The following HTRA4 variants were observed in gnomAD, a reference collection of about 807,000 sequenced individuals.
HTRA4 encodes HtrA serine peptidase 4.
Under a neutral mutation model 49.1 loss-of-function variants are expected in HTRA4, and 46 were observed. That is an observed-to-expected ratio of 0.94 (90% CI 0.74 to 1.20). The LOEUF (loss-of-function observed/expected upper bound fraction) is 1.20. Among genes scored for constraint, HTRA4 ranks in the 50% most tolerant of loss-of-function variants. The pLI is 0.00. For synonymous variants in HTRA4, 261 were observed against 264.0 expected (o/e 0.99, Z 0.11); for missense variants, 602 against 636.9 (o/e 0.95, Z 0.59).
At position 38,983,136 on chromosome 8, in the gene HTRA4, T is replaced by C. The variant is rs928097502; in HGVS notation, c.1268+88T>C. The C allele has an allele frequency of 1.3e-5, 10 of 799,266 alleles. No homozygotes were observed. In the African/African-American group the frequency reaches 1.7e-4, roughly 14 times the overall value. The allele number at this position is 799,266 out of a possible 1,614,324, so 49.5% of individuals were successfully genotyped here. On this transcript the variant is annotated intron_variant, in intron 8 of 8. Coordinates refer to ENST00000302495, the MANE Select transcript of HTRA4 (RefSeq NM_153692.4). ...ATGCATGGGGGATCCAGACTTGATC[T>C]GTCCAATACAGTGGCCACTACTTAC...
At chr8:38,986,116 G>A (rs1230659948) in intron 8 of HTRA4, among the ~76,000 whole-genome samples, 1 of 152,154 alleles carries the variant, frequency 6.6e-6, no homozygotes, top group East Asian at 1.9e-4. Flanking sequence ...AGCCATGACT[G>A]CACCACTGTA....
intron 8 of HTRA4, among the ~76,000 whole-genome samples, chr8:38,987,486 GTGGGA>G (rs1158929870): frequency 1.3e-5 from 2 of 149,990 alleles, no homozygotes; most frequent in Non-Finnish European, 3.0e-5. Flanking sequence ...GTGGGGTGGG[GTGGGA>G]AAGACAGGCA....
chr8:38,979,581 G>A (rs1784206279), intron 5 of HTRA4, among the ~76,000 whole-genome samples: 1 of 152,198 alleles, frequency 6.6e-6, no homozygotes, highest in African/African-American at 2.4e-5. Flanking sequence ...TCATCCCACT[G>A]AGAACACTAG....
At chr8:38,986,003 CAAAT>C (rs1225340241) in intron 8 of HTRA4, among the ~76,000 whole-genome samples, 1 of 152,078 alleles carries the variant, frequency 6.6e-6, no homozygotes, top group Non-Finnish European at 1.5e-5. Context: ...TTTCTAAAGA[CAAAT>C]AAATAAAATA....
rs2129426831 is a variant in HTRA4, at chr8:38,975,103, CGGT to C, written c.543_545del (p.Val182del). On this transcript the variant is annotated inframe_deletion, in exon 2 of 9. Transcript: ENST00000302495. ...GCGGTGGTGGAGAAGGTGGCGCCATCGGTGGTTCACGTGCAGCTGTGGGGCAGG... is the reference window on the plus strand; with the variant it reads ...GCGGTGGTGGAGAAGGTGGCGCCATCGGTTCACGTGCAGCTGTGGGGCAGG... 1.2e-6 allele frequency: 2 copies of C among 1,613,808 alleles called. No individual in the cohort carries two copies. Among genetic ancestry groups the C allele is most frequent in the East Asian group, 4.5e-5 (2 of 44,878 alleles).
At position 38,988,135 on chromosome 8, in the gene HTRA4, A is replaced by AAAC. The variant is rs1564184478; in HGVS notation, c.*39_*40insCAA. ...TAAAGTGGGATTATCTAAAAAAAAA[A>AAAC]AAACCAGTTATATCACGTGGTTTGT... On this transcript the variant is annotated 3_prime_UTR_variant, in exon 9 of 9. Coordinates refer to ENST00000302495, the MANE Select transcript of HTRA4 (RefSeq NM_153692.4). 6.6e-7 allele frequency: 1 copy of AAAC among 1,505,850 alleles called. No homozygotes were observed. The highest frequency in any genetic ancestry group is 2.4e-5 in the East Asian group (1 of 41,508). The allele number at this position is 1,505,850 out of a possible 1,614,324, so 93.3% of individuals were successfully genotyped here.
chr8:38,988,173 C>A lies in HTRA4; in HGVS notation c.*75C>A. On this transcript the variant is annotated 3_prime_UTR_variant, in exon 9 of 9. Coordinates refer to ENST00000302495, the MANE Select transcript of HTRA4 (RefSeq NM_153692.4). Reference sequence around the variant, plus strand: ...TCACGTGGTTTGTATTGGAGATGTGCCAAACATGGCAAGAAGTTTTTGGAT... The same window carrying A: ...TCACGTGGTTTGTATTGGAGATGTGACAAACATGGCAAGAAGTTTTTGGAT... 2.3e-6 allele frequency: 3 copies of A among 1,303,376 alleles called. No homozygotes were observed. Among genetic ancestry groups the A allele is most frequent in the Middle Eastern group, 2.6e-4 (1 of 3,790 alleles). The allele number at this position is 1,303,376 out of a possible 1,614,324, so 80.7% of individuals were successfully genotyped here.
chr8:38,981,062 A>AG (rs1564178866), intron 5 of HTRA4, among the ~76,000 whole-genome samples: 2 of 74,110 alleles, frequency 2.7e-5, no homozygotes, highest in African/African-American at 9.2e-5. Flanking sequence ...AATGAGCTTA[A>AG]GTTTTTTTTT....
intron 2 of HTRA4, among the ~76,000 whole-genome samples, chr8:38,975,910 T>C (rs1481919416): frequency 6.6e-6 from 1 of 152,126 alleles, no homozygotes; most frequent in Non-Finnish European, 1.5e-5. Context: ...TTGCCTCTAG[T>C]ATTAGGATTG....
Position 38,978,084 on chromosome 8 carries a change from G to A in HTRA4, c.903G>A (p.Gly301=), listed in dbSNP as rs939209602. The A allele has an allele frequency of 3.7e-6, 6 of 1,613,988 alleles. No homozygotes were observed. In the African/African-American group the frequency reaches 5.3e-5, roughly 14 times the overall value. The change falls in exon 4 of 9, where the codon GGG becomes GGA. Residue 301 remains glycine (G), a synonymous_variant. Coordinates refer to ENST00000302495, the MANE Select transcript of HTRA4 (RefSeq NM_153692.4). ...GAATTGTCAGCACCAAACAGCGAGG[G>A]GGCAAAGAACTGGGGATGAAGGATT... ...TAGIVSTKQR[G]GKELGMKDSD...
At chr8:38,980,295 G>T (rs1835402491) in intron 5 of HTRA4, among the ~76,000 whole-genome samples, 1 of 150,918 alleles carries the variant, frequency 6.6e-6, no homozygotes, top group Admixed American at 6.6e-5. Flanking sequence ...TTTACTCATA[G>T]CATTGCATGT....
Position 38,987,941 on chromosome 8 carries a change from G to T in HTRA4, c.1274G>T (p.Gly425Val). The T allele has an allele frequency of 6.3e-7, 1 of 1,588,016 alleles. No homozygotes were observed. Among genetic ancestry groups the T allele is most frequent in the Non-Finnish European group, 8.5e-7 (1 of 1,171,878 alleles). Residue 425 changes from glycine to valine, a missense_variant, in exon 9 of 9, where the codon GGA becomes GTA. Gly to Val is a moderately radical substitution (Grantham distance 109, BLOSUM62 -3). Transcript: ENST00000302495. ...TTTTTTTCTCCCTCTCTCAGCTCTGGATTGAGAGATCACGATGTAATTGTC... is the reference window on the plus strand; with the variant it reads ...TTTTTTTCTCCCTCTCTCAGCTCTGTATTGAGAGATCACGATGTAATTGTC... ...VVEGTAAQSS[G>V]LRDHDVIVNI...
intron 5 of HTRA4, among the ~76,000 whole-genome samples, chr8:38,981,063 G>GT (rs71216700): frequency 0.022 from 1,041 of 48,144 alleles, 146 homozygotes; most frequent in South Asian, 0.028. Context: ...ATGAGCTTAA[G>GT]TTTTTTTTTT....
Position 38,974,636 on chromosome 8 carries a change from AG to A in HTRA4, c.374del (p.Ser125ThrfsTer82). The A allele has an allele frequency of 7.1e-7, 1 of 1,415,164 alleles. No homozygotes were observed. The highest frequency in any genetic ancestry group is 9.1e-7 in the Non-Finnish European group (1 of 1,093,414). The allele number at this position is 1,415,164 out of a possible 1,614,324, so 87.7% of individuals were successfully genotyped here. ...CGGCAGCGACAGGCGCACCTACCCC[AG>A]CATGTGCGCGCTCCGGGCCGAAAAC... ...VCGSDRRTYPSMCALRAENRA... is the reference protein window; with the variant it reads ...VCGSDRRTYPXMCALRAENRA... On this transcript the variant is annotated frameshift_variant, in exon 1 of 9. Transcript: ENST00000302495. LOFTEE classifies it high-confidence loss of function.
rs771629240 is a variant in HTRA4, at chr8:38,984,914, TCAAA to T, written c.1268+1878_1268+1881del. On this transcript the variant is annotated intron_variant, in intron 8 of 8. Coordinates refer to ENST00000302495, the MANE Select transcript of HTRA4 (RefSeq NM_153692.4). Reference sequence around the variant, plus strand: ...CTGTGCAACAGAGTGAGACCCTGTCTCAAACAAACAAACAAGCAAAAAAAAACTA... The same window carrying T: ...CTGTGCAACAGAGTGAGACCCTGTCTCAAACAAACAAGCAAAAAAAAACTA... Among the ~76,000 whole-genome samples, 34 of 151,988 alleles carry T rather than the reference TCAAA, an allele frequency of 2.2e-4. No homozygotes were observed. In the East Asian group the frequency reaches 2.9e-3, roughly 13 times the overall value.
intron 8 of HTRA4, among the ~76,000 whole-genome samples, chr8:38,984,567 T>A (rs1835461811): frequency 1.3e-5 from 2 of 151,756 alleles, no homozygotes; most frequent in African/African-American, 4.8e-5. Context: ...GCAAACTTGG[T>A]GAAACACCAT....
chr8:38,974,383 C>T lies in HTRA4; in HGVS notation c.120C>T (p.Cys40=), dbSNP rs760428137. The T allele has an allele frequency of 4.4e-6, 7 of 1,579,566 alleles. No homozygotes were observed. Among genetic ancestry groups the T allele is most frequent in the South Asian group, 1.1e-5 (1 of 87,394 alleles). Residue 40 remains cysteine (C), a synonymous_variant, in exon 1 of 9, where the codon TGC becomes TGT. Coordinates refer to ENST00000302495, the MANE Select transcript of HTRA4 (RefSeq NM_153692.4). ...AAAAGCTACATACCCAGCCCTCCTG[C>T]CCCGCGGTCTGCCAGCCCACGCGCT... ...GAEKLHTQPS[C]PAVCQPTRCP...
At chr8:38,986,676 C>T (rs115053135) in intron 8 of HTRA4, among the ~76,000 whole-genome samples, 1,571 of 152,282 alleles carry the variant, frequency 0.01, 26 homozygotes, top group African/African-American at 0.036. Context: ...ACTTGTAGAA[C>T]GCAGTAAATC....
Position 38,976,545 on chromosome 8 carries a change from G to C in HTRA4, c.577G>C (p.Gly193Arg), listed in dbSNP as rs773579385. Residue 193 changes from glycine (G) to arginine (R), a missense_variant, in exon 3 of 9, where the codon GGC becomes CGC. By Grantham distance (125) the Gly-to-Arg change is moderately radical. Coordinates refer to ENST00000302495, the MANE Select transcript of HTRA4 (RefSeq NM_153692.4). ...GTCTTGTGGAGACAGGTTACTTCAC[G>C]GCAGCAGGCTTGTTCCTGTGTACAG... Reference protein sequence around the residue: ...HVQLWGRLLHGSRLVPVYSGS... With the variant: ...HVQLWGRLLHRSRLVPVYSGS... 5 of 1,613,768 alleles carry C rather than the reference G, an allele frequency of 3.1e-6. No homozygotes were observed. Among genetic ancestry groups the C allele is most frequent in the Non-Finnish European group, 3.4e-6 (4 of 1,180,026 alleles).
Sources: allele counts gnomAD v4.1 joint callset (sites outside exome capture counted in the v4.1 genomes callset), GRCh38; gene constraint gnomAD v4.1.1; transcripts MANE v1.5; gene names NCBI Gene and HGNC (gene_info 2026-07-23, HGNC 2026-07-21).